Variants in PKHD1 observed in about 807,000 individuals in gnomAD.
The protein encoded by PKHD1 is fibrocystin.
In PKHD1, 291 loss-of-function variants were observed where a neutral mutation model predicts 412.0. The ratio of observed to expected loss-of-function variants is 0.71; its 90% CI spans 0.64 to 0.78. The LOEUF is 0.78. PKHD1 is among the 30% of genes least tolerant of loss of function. The pLI is 0.00. For synonymous variants in PKHD1, 1,777 were observed against 1,821.5 expected, an observed-to-expected ratio of 0.98 and a Z score of 0.62; for missense variants, 4,825 against 4,950.7, an observed-to-expected ratio of 0.97 and a Z score of 0.76.
intron 60 of PKHD1, among the ~76,000 whole-genome samples, chr6:51,678,876 A>G (rs1244089399): frequency 6.6e-6 from 1 of 152,098 alleles, no homozygotes; most frequent in African/African-American, 2.4e-5. Context: ...GCTTTAAACA[A>G]ACTGATGTTC....
At chr6:51,855,093 G>A (rs768010504) in intron 49 of PKHD1, among the ~76,000 whole-genome samples, 1 of 152,192 alleles carries the variant, frequency 6.6e-6, no homozygotes, top group Non-Finnish European at 1.5e-5. Flanking sequence ...GCACAATTCC[G>A]TGGAAAAAGC....
intron 53 of PKHD1, among the ~76,000 whole-genome samples, chr6:51,779,490 C>T (rs1314603377): frequency 6.6e-6 from 1 of 152,150 alleles, no homozygotes; most frequent in Non-Finnish European, 1.5e-5. Context: ...ACCTGATTGC[C>T]TCCTTCTCTC....
intron 52 of PKHD1, among the ~76,000 whole-genome samples, chr6:51,798,691 T>C (rs554987762): frequency 6.8e-4 from 103 of 152,286 alleles, no homozygotes; most frequent in African/African-American, 2.1e-3. Flanking sequence ...TGGGGAAGTT[T>C]TCCTGGACGA....
At chr6:51,783,416 TTTAA>T in intron 53 of PKHD1, among the ~76,000 whole-genome samples, 3 of 149,080 alleles carry the variant, frequency 2.0e-5, no homozygotes, top group African/African-American at 2.4e-5. Context: ...TTTATATTAT[TTTAA>T]TAATTAATAC....
chr6:51,933,627 A>T (rs183854757), intron 37 of PKHD1, among the ~76,000 whole-genome samples: 1 of 152,320 alleles, frequency 6.6e-6, no homozygotes, highest in Non-Finnish European at 1.5e-5. Context: ...GCACTGCCCC[A>T]TGTCGTCTTC....
Position 51,618,837 on chromosome 6 carries a change from A to G in PKHD1, c.*244T>C, listed in dbSNP as rs912985335. 20 of 548,408 alleles carry G rather than the reference A, an allele frequency of 3.6e-5. No individual in the cohort carries two copies. Among genetic ancestry groups the G allele is most frequent in the African/African-American group, 3.0e-4 (16 of 52,866 alleles). 34.0% of individuals were successfully genotyped at this position (548,408 alleles called of 1,614,324 possible). On this transcript the variant is annotated 3_prime_UTR_variant, in exon 67 of 67. Transcript: ENST00000371117. Reference sequence around the variant, plus strand: ...TAAGTTAAAAACTGGTAAATAATTAACAAGTGCCATTATTTGCCTAGCATT... The same window carrying G: ...TAAGTTAAAAACTGGTAAATAATTAGCAAGTGCCATTATTTGCCTAGCATT...
At chr6:52,079,465 G>C (rs1811746136) in intron 5 of PKHD1, among the ~76,000 whole-genome samples, 1 of 152,132 alleles carries the variant, frequency 6.6e-6, no homozygotes, top group African/African-American at 2.4e-5. Context: ...AGCATGATCT[G>C]AGCTGTAAAA....
At chr6:51,806,267 A>G (rs1289380434) in intron 52 of PKHD1, among the ~76,000 whole-genome samples, 1 of 152,186 alleles carries the variant, frequency 6.6e-6, no homozygotes, top group East Asian at 1.9e-4. Flanking sequence ...AGAGGCCATG[A>G]TGCATATATT....
intron 55 of PKHD1, among the ~76,000 whole-genome samples, chr6:51,764,313 A>G (rs1369562986): frequency 2.0e-5 from 3 of 148,976 alleles, no homozygotes; most frequent in Non-Finnish European, 3.0e-5. Context: ...ACATGAAAAA[A>G]TGCTCATCAT....
At chr6:51,979,907 ATCT>A (rs1237829071) in intron 35 of PKHD1, among the ~76,000 whole-genome samples, 1 of 152,112 alleles carries the variant, frequency 6.6e-6, no homozygotes, top group Non-Finnish European at 1.5e-5. Context: ...CTCCAGAATG[ATCT>A]TCTTGGACCC....
chr6:51,963,761 T>C (rs1792410558), intron 35 of PKHD1, among the ~76,000 whole-genome samples: 2 of 152,130 alleles, frequency 1.3e-5, no homozygotes, highest in Non-Finnish European at 2.9e-5. Context: ...ATTAAAGATT[T>C]TGTGAATATA....
chr6:51,837,589 C>T (rs1182993062), intron 50 of PKHD1, among the ~76,000 whole-genome samples: 1 of 152,106 alleles, frequency 6.6e-6, no homozygotes, highest in African/African-American at 2.4e-5. Context: ...TCCTATAATC[C>T]CAGCTACTAG....
intron 55 of PKHD1, among the ~76,000 whole-genome samples, chr6:51,770,554 C>A (rs1420727368): frequency 2.0e-5 from 3 of 151,672 alleles, no homozygotes; most frequent in Admixed American, 2.0e-4. Flanking sequence ...CTGTAACTGG[C>A]AAATTTGTAC....
chr6:51,760,762 T>C (rs2151059153), intron 55 of PKHD1, among the ~76,000 whole-genome samples: 1 of 152,186 alleles, frequency 6.6e-6, no homozygotes, highest in Middle Eastern at 3.4e-3. Flanking sequence ...ATAGATATAA[T>C]CAATTATGAC....
At chr6:51,936,482 T>C (rs1787498371) in intron 36 of PKHD1, among the ~76,000 whole-genome samples, 1 of 152,208 alleles carries the variant, frequency 6.6e-6, no homozygotes, top group Admixed American at 6.5e-5. Context: ...AGTTGAGTTT[T>C]TGTTGCTTTC....
Position 52,072,170 on chromosome 6 carries a change from G to A in PKHD1, c.547C>T (p.Gln183Ter), listed in dbSNP as rs2128231908. 8 of 1,607,040 alleles carry A rather than the reference G, an allele frequency of 5.0e-6. No individual in the cohort carries two copies. Among genetic ancestry groups the A allele is most frequent in the Non-Finnish European group, 6.8e-6 (8 of 1,173,760 alleles). The change falls in exon 8 of 67, where the codon CAA becomes TAA. Residue 183 changes from glutamine (Q) to a stop codon, truncating the protein, a stop_gained. Coordinates refer to ENST00000371117, the MANE Select transcript of PKHD1 (RefSeq NM_138694.4). LOFTEE classifies it high-confidence loss of function. ...YIDSPVILEA[Q>*]GDKWVTPCSL... ...CAAGGAGTAACCCATTTGTCTCCTT[G>A]AGCTTCCAAGATCACTGGGCTGGAT...
chr6:51,830,260 TAAG>T (rs1768019564), intron 52 of PKHD1, among the ~76,000 whole-genome samples: 1 of 110,634 alleles, frequency 9.0e-6, no homozygotes, highest in African/African-American at 4.3e-5. Context: ...CTCCTTTAAA[TAAG>T]AAGATTTTAT....
intron 43 of PKHD1, among the ~76,000 whole-genome samples, chr6:51,892,838 C>T (rs1389189964): frequency 1.3e-5 from 2 of 152,172 alleles, no homozygotes; most frequent in African/African-American, 4.8e-5. Flanking sequence ...ACAGAGTATG[C>T]ACTCCTGCTT....
At position 51,649,235 on chromosome 6, in the gene PKHD1, A is replaced by C. The variant is rs201198949; in HGVS notation, c.11175-15T>G. 6.3e-7 allele frequency: 1 copy of C among 1,594,108 alleles called. No individual in the cohort carries two copies. The highest frequency in any genetic ancestry group is 2.2e-5 in the East Asian group (1 of 44,742). On this transcript the variant is annotated splice_polypyrimidine_tract_variant and intron_variant, in intron 61 of 66. Transcript: ENST00000371117. Reference sequence around the variant, plus strand: ...TGCTTGTATTTCTGACAGATATAAAAACAAACAAAATACATCCTTAGGATT... The same window carrying C: ...TGCTTGTATTTCTGACAGATATAAACACAAACAAAATACATCCTTAGGATT...
Sources: gnomAD v4.1 joint callset for allele counts (sites outside exome capture counted in the v4.1 genomes callset) on GRCh38, gnomAD v4.1.1 for gene constraint, MANE v1.5 for transcripts, NCBI Gene and HGNC (gene_info 2026-07-23, HGNC 2026-07-21) for gene names.